The following SOX5 variants were observed in gnomAD, a reference collection of about 807,000 sequenced individuals.
SOX5 encodes the protein SRY-box transcription factor 5.
In SOX5, 9 loss-of-function variants were observed where a neutral mutation model predicts 92.0. The ratio of observed to expected loss-of-function variants is 0.10; its 90% CI spans 0.06 to 0.17. SOX5 has a LOEUF of 0.17. SOX5 is among the 10% of genes least tolerant of loss of function. The pLI, the probability that SOX5 is intolerant of heterozygous loss-of-function variation, is 1.00. For synonymous variants in SOX5, 344 were observed against 336.3 expected (o/e 1.02, Z -0.25); for missense variants, 642 against 944.5 (o/e 0.68, Z 4.20).
intron 3 of SOX5, among the ~76,000 whole-genome samples, chr12:24,234,769 A>G (rs1434976768): frequency 6.6e-6 from 1 of 152,194 alleles, no homozygotes; most frequent in Non-Finnish European, 1.5e-5. Context: ...TAGAGTTGTT[A>G]AATGCTACAG....
chr12:24,343,840 G>A (rs1565946822), intron 2 of SOX5, among the ~76,000 whole-genome samples: 1 of 152,164 alleles, frequency 6.6e-6, no homozygotes, highest in Non-Finnish European at 1.5e-5. Flanking sequence ...GAGGACAGGA[G>A]AAGCAATGCT....
At chr12:23,939,109 T>C (rs77273138) in intron 1 of SOX5, among the ~76,000 whole-genome samples, 1 of 151,042 alleles carries the variant, frequency 6.6e-6, no homozygotes, top group Non-Finnish European at 1.5e-5. Flanking sequence ...TATTTATTTT[T>C]AAGTCCATTC....
chr12:24,099,424 G>C (rs910429968), intron 4 of SOX5, among the ~76,000 whole-genome samples: 3 of 152,320 alleles, frequency 2.0e-5, no homozygotes, highest in African/African-American at 7.2e-5. Flanking sequence ...AGATCATACA[G>C]GAGTCTCTGG....
chr12:23,817,566 C>A (rs1269056417), intron 3 of SOX5, among the ~76,000 whole-genome samples: 1 of 152,060 alleles, frequency 6.6e-6, no homozygotes, highest in African/African-American at 2.4e-5. Context: ...GAGATAGATC[C>A]AGTGAATATT....
intron 1 of SOX5, among the ~76,000 whole-genome samples, chr12:24,490,524 C>A (rs1426637096): frequency 6.6e-6 from 1 of 152,000 alleles, no homozygotes; most frequent in Non-Finnish European, 1.5e-5. Flanking sequence ...GGTATGAAAC[C>A]AGTGTGCCCA....
At chr12:24,166,598 T>C (rs7960496) in intron 4 of SOX5, among the ~76,000 whole-genome samples, 22,605 of 152,186 alleles carry the variant, frequency 0.15, 1,976 homozygotes, top group African/African-American at 0.23. Flanking sequence ...CCATTATCTA[T>C]AGCACCTCTT....
chr12:24,100,198 A>G (rs1455032642), intron 4 of SOX5, among the ~76,000 whole-genome samples: 2 of 152,062 alleles, frequency 1.3e-5, no homozygotes, highest in Non-Finnish European at 1.5e-5. Flanking sequence ...CAAATAAACA[A>G]CACTTCCTTT....
intron 2 of SOX5, among the ~76,000 whole-genome samples, chr12:24,312,232 T>G (rs1949254460): frequency 6.6e-6 from 1 of 152,206 alleles, no homozygotes; most frequent in Non-Finnish European, 1.5e-5. Context: ...TCTAAACTTT[T>G]TTTGTATTTA....
chr12:23,783,957 A>T (rs940034287), intron 3 of SOX5, among the ~76,000 whole-genome samples: 6 of 152,206 alleles, frequency 3.9e-5, no homozygotes, highest in Admixed American at 6.5e-5. Flanking sequence ...ATTGTTATAA[A>T]AACAACAACT....
intron 4 of SOX5, among the ~76,000 whole-genome samples, chr12:24,169,868 C>T (rs939796973): frequency 1.3e-4 from 20 of 152,172 alleles, no homozygotes; most frequent in Non-Finnish European, 2.6e-4. Context: ...ATGCCATCCT[C>T]GCCACCCCAA....
At chr12:23,857,185 GGA>G (rs1287764509) in intron 2 of SOX5, among the ~76,000 whole-genome samples, 1 of 152,072 alleles carries the variant, frequency 6.6e-6, no homozygotes, top group Non-Finnish European at 1.5e-5. Context: ...GACTAATATA[GGA>G]GAGTCATTTC....
chr12:23,603,603 T>C (rs1252159850), intron 9 of SOX5, among the ~76,000 whole-genome samples: 3 of 151,576 alleles, frequency 2.0e-5, no homozygotes, highest in Non-Finnish European at 2.9e-5. Context: ...CATGGAAAGC[T>C]TAATATATTT....
rs1164844032 is a variant in SOX5 at position 24,068,704 on chromosome 12, GTATATATATATATATATATATA to G, written c.-2+144617_-2+144638del. ...TATGTGTGTGTGTGTGTGTGTGTGT[GTATATATATATATATATATATA>G]TATATATATATATATATATATACAC... On this transcript the variant is annotated intron_variant, in intron 4 of 4. Transcript: ENST00000446891. Among the ~76,000 whole-genome samples the G allele has an allele frequency of 5.4e-4, 40 of 74,324 alleles. 1 individual carries two copies. The highest frequency in any genetic ancestry group is 7.3e-4 in the Non-Finnish European group (30 of 41,162). 48.8% of individuals were successfully genotyped at this position (74,324 alleles called of 152,430 possible).
At chr12:24,499,077 A>C (rs778353129) in intron 1 of SOX5, among the ~76,000 whole-genome samples, 6 of 152,182 alleles carry the variant, frequency 3.9e-5, no homozygotes, top group Non-Finnish European at 7.3e-5. Flanking sequence ...CTTCAGGTAT[A>C]GCTCTATCAT....
At chr12:23,567,780 G>T (rs1947402310) in intron 10 of SOX5, among the ~76,000 whole-genome samples, 1 of 151,980 alleles carries the variant, frequency 6.6e-6, no homozygotes, top group Non-Finnish European at 1.5e-5. Flanking sequence ...TTATGCTTCA[G>T]TGTTTCTTCT....
At chr12:23,732,811 T>G (rs1192388100) in intron 6 of SOX5, among the ~76,000 whole-genome samples, 1 of 152,198 alleles carries the variant, frequency 6.6e-6, no homozygotes, top group African/African-American at 2.4e-5. Context: ...AGTTTCTAAT[T>G]GTGTGGTCTT....
At chr12:24,162,732 C>T (rs187969096) in intron 4 of SOX5, among the ~76,000 whole-genome samples, 1 of 152,016 alleles carries the variant, frequency 6.6e-6, no homozygotes, top group Admixed American at 6.6e-5. Context: ...CCTTTTTTTA[C>T]TCCCCTTTTC....
intron 3 of SOX5, among the ~76,000 whole-genome samples, chr12:23,834,871 C>T (rs781402496): frequency 6.6e-6 from 1 of 151,644 alleles, no homozygotes; most frequent in South Asian, 2.1e-4. Flanking sequence ...GCTGAAATGG[C>T]CATTTCAAAG....
chr12:24,327,384 A>C (rs899659223), intron 2 of SOX5, among the ~76,000 whole-genome samples: 3 of 103,776 alleles, frequency 2.9e-5, no homozygotes, highest in South Asian at 3.9e-4. Flanking sequence ...AGCAATGGAG[A>C]CTTTTTTTTT....
Sources: allele counts gnomAD v4.1 joint callset (sites outside exome capture counted in the v4.1 genomes callset), GRCh38; gene constraint gnomAD v4.1.1; transcripts MANE v1.5; gene names NCBI Gene and HGNC (gene_info 2026-07-23, HGNC 2026-07-21).